Variants in ZBTB20 observed in about 807,000 individuals in gnomAD.
ZBTB20 encodes the protein zinc finger and BTB domain containing 20.
In ZBTB20, 9 loss-of-function variants were observed where a neutral mutation model predicts 56.9. That is an observed-to-expected ratio of 0.16 (90% CI 0.10 to 0.28). ZBTB20 has a LOEUF of 0.28. Ranked by LOEUF, ZBTB20 falls within the 10% of genes least tolerant of loss-of-function variation. The pLI, the probability that ZBTB20 is intolerant of heterozygous loss-of-function variation, is 1.00. For synonymous variants in ZBTB20, 417 were observed against 420.7 expected (o/e 0.99, Z 0.11); for missense variants, 655 against 1,003.0 (o/e 0.65, Z 4.69).
At chr3:115,000,126 T>G (rs2079189981) in intron 2 of ZBTB20, among the ~76,000 whole-genome samples, 1 of 151,616 alleles carries the variant, frequency 6.6e-6, no homozygotes, top group Admixed American at 6.6e-5. Flanking sequence ...CCATCTAATA[T>G]TTAACTTTGA....
chr3:114,807,112 A>G (rs2072163652), intron 4 of ZBTB20, among the ~76,000 whole-genome samples: 1 of 152,096 alleles, frequency 6.6e-6, no homozygotes, highest in South Asian at 2.1e-4. Context: ...TTAGCTTGTC[A>G]ATTTCTGTAA....
At chr3:114,714,504 G>A (rs1430188796) in intron 5 of ZBTB20, among the ~76,000 whole-genome samples, 8 of 149,980 alleles carry the variant, frequency 5.3e-5, no homozygotes, top group Non-Finnish European at 1.0e-4. Context: ...TGCTCTATTC[G>A]CTTCCTTTTA....
intron 2 of ZBTB20, among the ~76,000 whole-genome samples, chr3:115,060,327 A>G (rs186775892): frequency 6.6e-6 from 1 of 152,292 alleles, no homozygotes; most frequent in East Asian, 1.9e-4. Context: ...AAAAGAAACA[A>G]TATACAGTCA....
At chr3:114,903,899 A>C (rs1158252698) in intron 3 of ZBTB20, among the ~76,000 whole-genome samples, 1 of 151,886 alleles carries the variant, frequency 6.6e-6, no homozygotes. Context: ...AAAACGTTAG[A>C]GTCAGTTTTT....
chr3:114,463,329 T>G (rs1257730701), intron 7 of ZBTB20, among the ~76,000 whole-genome samples: 1 of 152,222 alleles, frequency 6.6e-6, no homozygotes, highest in Admixed American at 6.5e-5. Context: ...TTTAGACATC[T>G]ACGTTGTATA....
chr3:114,381,791 T>C (rs2084374298), intron 8 of ZBTB20, among the ~76,000 whole-genome samples: 1 of 152,188 alleles, frequency 6.6e-6, no homozygotes, highest in Admixed American at 6.5e-5. Context: ...TGAAATAAAA[T>C]CTGTTTCTTC....
chr3:114,930,093 T>TAAAC lies in ZBTB20; in HGVS notation c.-455-29755_-455-29752dup, dbSNP rs572805198. Among the ~76,000 whole-genome samples the TAAAC allele has an allele frequency of 2.0e-4, 30 of 152,176 alleles. 1 individual carries two copies. The highest frequency in any genetic ancestry group is 1.2e-3 in the South Asian group (6 of 4,810). Reference sequence around the variant, plus strand: ...GCACAAATAAATCCTGCCTTCCATTTAAACAAACAAACAAACAAACAACAA... The same window carrying TAAAC: ...GCACAAATAAATCCTGCCTTCCATTTAAACAAACAAACAAACAAACAAACAACAA... On this transcript the variant is annotated intron_variant, in intron 3 of 11. Transcript: ENST00000675478.
At position 114,663,651 on chromosome 3, in the gene ZBTB20, G is replaced by A. The variant is rs531484049; in HGVS notation, c.-295+29877C>T. Among the ~76,000 whole-genome samples the A allele has an allele frequency of 3.2e-3, 478 of 151,258 alleles. 2 individuals are homozygous for A. The highest frequency in any genetic ancestry group is 0.011 in the African/African-American group (459 of 41,250). On this transcript the variant is annotated intron_variant, in intron 6 of 11. Transcript: ENST00000675478. The stretch of plus-strand genomic sequence containing the variant: ...GCTATATTCAGGAAACCCATCTCAC[G>A]TGCAGAGACACACATAGGCTCAAAA...
intron 3 of ZBTB20, among the ~76,000 whole-genome samples, chr3:114,929,845 T>G (rs2076291937): frequency 6.6e-6 from 1 of 152,212 alleles, no homozygotes; most frequent in Admixed American, 6.5e-5. Context: ...CTCCTTCCTT[T>G]GAAATGAAAA....
intron 5 of ZBTB20, among the ~76,000 whole-genome samples, chr3:114,729,956 ATTTTTTTT>A (rs1229757252): frequency 5.9e-5 from 7 of 119,446 alleles, no homozygotes; most frequent in East Asian, 4.4e-4. Context: ...CATCCGGCTA[ATTTTTTTT>A]TTTTTTTTTT....
intron 10 of ZBTB20, among the ~76,000 whole-genome samples, chr3:114,363,907 A>G (rs1168811041): frequency 1.3e-5 from 2 of 152,178 alleles, no homozygotes; most frequent in East Asian, 1.9e-4. Flanking sequence ...TTATACTTAT[A>G]TACATCGCTG....
At chr3:114,577,783 T>G (rs529003045) in intron 6 of ZBTB20, among the ~76,000 whole-genome samples, 1 of 152,326 alleles carries the variant, frequency 6.6e-6, no homozygotes, top group East Asian at 1.9e-4. Flanking sequence ...GATACAGCAT[T>G]ATGATAAAAT....
At chr3:114,438,612 T>C (rs1007893803) in intron 7 of ZBTB20, among the ~76,000 whole-genome samples, 3 of 152,086 alleles carry the variant, frequency 2.0e-5, no homozygotes, top group Admixed American at 1.3e-4. Context: ...GAATTAACTT[T>C]TGAGGAATTG....
intron 10 of ZBTB20, chr3:114,359,440 C>CT (rs2081580516): frequency 6.6e-6 from 1 of 152,124 alleles, no homozygotes; most frequent in African/African-American, 2.4e-5. Context: ...CGCCGTCATT[C>CT]CAAAGTTGAA....
At chr3:114,832,471 A>C (rs1409573089) in intron 4 of ZBTB20, among the ~76,000 whole-genome samples, 1 of 152,076 alleles carries the variant, frequency 6.6e-6, no homozygotes, top group Non-Finnish European at 1.5e-5. Context: ...ATTGTCTTCA[A>C]AGAATGTGGC....
At chr3:115,062,825 T>C (rs774441334) in intron 2 of ZBTB20, among the ~76,000 whole-genome samples, 36 of 152,244 alleles carry the variant, frequency 2.4e-4, no homozygotes, top group Non-Finnish European at 4.3e-4. Context: ...TCCATGAGAA[T>C]AGATGCACTA....
Position 114,651,091 on chromosome 3 carries a change from G to A in ZBTB20, c.-295+42437C>T, listed in dbSNP as rs371337234. On this transcript the variant is annotated intron_variant, in intron 6 of 11. Transcript: ENST00000675478. ...GTGTATCAAAATGTAGTTGCCATCTGGCATTGATAGACTGGGCTAGAATAT... is the reference window on the plus strand; with the variant it reads ...GTGTATCAAAATGTAGTTGCCATCTAGCATTGATAGACTGGGCTAGAATAT... 1.6e-4 allele frequency among the ~76,000 whole-genome samples: 25 copies of A among 152,158 alleles called. 1 individual carries two copies. Among genetic ancestry groups the A allele is most frequent in the African/African-American group, 6.0e-4 (25 of 41,558 alleles).
intron 6 of ZBTB20, among the ~76,000 whole-genome samples, chr3:114,548,180 A>G (rs1003948442): frequency 6.6e-6 from 1 of 152,246 alleles, no homozygotes; most frequent in African/African-American, 2.4e-5. Context: ...CCATGGTATC[A>G]GAACTGCAAA....
At chr3:114,525,690 G>A (rs1438131754) in intron 6 of ZBTB20, among the ~76,000 whole-genome samples, 1 of 152,082 alleles carries the variant, frequency 6.6e-6, no homozygotes, top group Non-Finnish European at 1.5e-5. Flanking sequence ...TAAGGATCCT[G>A]ACTTACAACT....
Sources: allele counts gnomAD v4.1 joint callset (sites outside exome capture counted in the v4.1 genomes callset), GRCh38; gene constraint gnomAD v4.1.1; transcripts MANE v1.5; gene names NCBI Gene and HGNC (gene_info 2026-07-23, HGNC 2026-07-21).